Variants in PML observed in about 807,000 individuals in gnomAD.
PML encodes PML nuclear body scaffold.
PML carries 28 observed loss-of-function variants against 65.2 expected under a neutral mutation model. The ratio of observed to expected loss-of-function variants is 0.43; its 90% CI spans 0.32 to 0.59. The LOEUF is 0.59. PML is among the 20% of genes least tolerant of loss of function. The pLI is 0.08. For missense variants in PML, 1,021 were observed against 1,203.4 expected (o/e 0.85, Z 2.24); for synonymous variants, 500 against 508.8 (o/e 0.98, Z 0.23).
chr15:73,998,233 G>C lies in PML; in HGVS notation c.359G>C (p.Arg120Pro). The C allele has an allele frequency of 6.2e-7, 1 of 1,614,162 alleles. No individual in the cohort carries two copies. The highest frequency in any genetic ancestry group is 8.5e-7 in the Non-Finnish European group (1 of 1,180,014). Reference protein sequence around the residue: ...ESLQRRLSVYRQIVDAQAVCT... With the variant: ...ESLQRRLSVYPQIVDAQAVCT... ...CTGCAGCGGCGCCTGTCGGTGTACC[G>C]GCAGATTGTGGATGCGCAGGCTGTG... The change falls in exon 2 of 9, where the codon CGG (arginine) becomes CCG (proline). Residue 120 changes from arginine (R) to proline (P), a missense_variant. Transcript: ENST00000268058.
rs754391223 is a variant in PML at position 74,035,352 on chromosome 15, G to T, written c.1710+822G>T. The T allele has an allele frequency of 5.6e-6, 9 of 1,611,962 alleles. No individual in the cohort carries two copies. In the African/African-American group the frequency reaches 1.1e-4, roughly 19 times the overall value. On this transcript the variant is annotated intron_variant, in intron 7 of 8. Coordinates refer to ENST00000268058, the MANE Select transcript of PML (RefSeq NM_033238.3). This position sits in a 1 kb window ranked among gnomAD's most constrained non-coding sequence, Gnocchi z 4.1. Reference sequence around the variant, plus strand: ...GCCTCCCCACCAGCCCGCTGAGCAGGCTGCCACCCCCGATGCTGAGCCTCA... The same window carrying T: ...GCCTCCCCACCAGCCCGCTGAGCAGTCTGCCACCCCCGATGCTGAGCCTCA...
At chr15:74,013,554 G>A (rs2070426010) in intron 2 of PML, among the ~76,000 whole-genome samples, 2 of 152,062 alleles carry the variant, frequency 1.3e-5, no homozygotes, top group Non-Finnish European at 2.9e-5. Context: ...TCCTGCTGTG[G>A]CATATTTTGC....
At chr15:74,025,287 T>C in intron 4 of PML, 2 of 352,952 alleles carry the variant, frequency 5.7e-6, no homozygotes, top group South Asian at 4.8e-5. Flanking sequence ...GGTTGTCAGA[T>C]GTATGGTTAG....
intron 2 of PML, among the ~76,000 whole-genome samples, chr15:74,012,334 C>T (rs1437715056): frequency 6.6e-6 from 1 of 152,224 alleles, no homozygotes; most frequent in Non-Finnish European, 1.5e-5. Flanking sequence ...TGCCACCACT[C>T]CTGGCTAATT....
rs2069591727 is a variant in PML, at chr15:73,998,151, G to T, written c.277G>T (p.Ala93Ser). 6.2e-7 allele frequency: 1 copy of T among 1,614,082 alleles called. No homozygotes were observed. Among genetic ancestry groups the T allele is most frequent in the South Asian group, 1.1e-5 (1 of 91,088 alleles). ...GGGCATGCAGTGCCCCATCTGCCAG[G>T]CGCCCTGGCCCCTAGGTGCAGACAC... is the stretch of plus-strand genomic sequence containing the variant. ...ASGMQCPICQ[A>S]PWPLGADTPA... Residue 93 changes from alanine to serine, a missense_variant, in exon 2 of 9, where the codon GCG becomes TCG. By Grantham distance (99) the Ala-to-Ser change is moderately conservative (BLOSUM62 1). Transcript: ENST00000268058.
At chr15:74,005,189 A>G (rs955553160) in intron 2 of PML, among the ~76,000 whole-genome samples, 4 of 151,900 alleles carry the variant, frequency 2.6e-5, no homozygotes, top group Non-Finnish European at 5.9e-5. Flanking sequence ...AGTAGCTGGG[A>G]CTACAGGTGC....
chr15:74,036,417 G>C, intron 7 of PML: 1 of 1,306,440 alleles, frequency 7.7e-7, no homozygotes, highest in Non-Finnish European at 9.8e-7. Context: ...CTTATTCCAC[G>C]ACCATCGCGT....
In PML at chr15:74,035,889, C is replaced by T; in HGVS notation, c.1710+1359C>T. 1 of 1,613,760 alleles carries T rather than the reference C, an allele frequency of 6.2e-7. No homozygotes were observed. The highest frequency in any genetic ancestry group is 8.5e-7 in the Non-Finnish European group (1 of 1,179,998). ...AGCCTCTCCAATTACATTCCCACCA[C>T]CCTGTGCCCCAGAAAGGCCCCCCAT... On this transcript the variant is annotated intron_variant, in intron 7 of 8. Coordinates refer to ENST00000268058, the MANE Select transcript of PML (RefSeq NM_033238.3). The surrounding 1 kb of genome is among the most constrained non-coding windows in gnomAD (Gnocchi z 4.1).
At chr15:74,025,296 A>C (rs2071023963) in intron 4 of PML, 1 of 340,798 alleles carries the variant, frequency 2.9e-6, no homozygotes, top group Non-Finnish European at 5.8e-6. Context: ...ATGTATGGTT[A>C]GATATAGGGT....
chr15:74,015,025 C>T (rs2070505879), intron 2 of PML, among the ~76,000 whole-genome samples: 1 of 152,210 alleles, frequency 6.6e-6, no homozygotes, highest in South Asian at 2.1e-4. Context: ...TTCTCCTCCC[C>T]ATTCCTGGGT....
chr15:74,010,623 T>C (rs1036230380), intron 2 of PML, among the ~76,000 whole-genome samples: 2 of 152,154 alleles, frequency 1.3e-5, no homozygotes, highest in Non-Finnish European at 2.9e-5. Flanking sequence ...AGACAGCCAT[T>C]GAGCAATCAC....
At position 74,046,199 on chromosome 15, in the gene PML, G is replaced by T. The variant is rs1471715221; in HGVS notation, c.*1191G>T. The T allele has an allele frequency of 3.9e-5, 9 of 233,132 alleles. No homozygotes were observed. The highest frequency in any genetic ancestry group is 6.8e-5 in the Non-Finnish European group (8 of 118,018). 14.4% of individuals were successfully genotyped at this position (233,132 alleles called of 1,614,324 possible). On this transcript the variant is annotated 3_prime_UTR_variant, in exon 9 of 9. Transcript: ENST00000268058. ...AGGCCTCTGAGGCAGTGGACAGGAA[G>T]ACTTCTCATCCTTGAATTCTAGCTC...
chr15:74,035,852 A>G lies in PML; in HGVS notation c.1710+1322A>G, dbSNP rs2071535926. 5.0e-6 allele frequency: 8 copies of G among 1,613,694 alleles called. No homozygotes were observed. The highest frequency in any genetic ancestry group is 4.4e-5 in the South Asian group (4 of 91,082). On this transcript the variant is annotated intron_variant, in intron 7 of 8. Coordinates refer to ENST00000268058, the MANE Select transcript of PML (RefSeq NM_033238.3). This position sits in a 1 kb window ranked among gnomAD's most constrained non-coding sequence, Gnocchi z 4.1. ...GCTCCATGGAGGCCTCTCAAGTCCAAGTGCCTCTGGAAGCCTCTCCAATTA... is the reference window on the plus strand; with the variant it reads ...GCTCCATGGAGGCCTCTCAAGTCCAGGTGCCTCTGGAAGCCTCTCCAATTA...
At chr15:74,013,415 TAAAAG>T (rs2070419910) in intron 2 of PML, among the ~76,000 whole-genome samples, 3 of 152,248 alleles carry the variant, frequency 2.0e-5, no homozygotes, top group African/African-American at 7.2e-5. Flanking sequence ...CATATTTTTA[TAAAAG>T]TGCTTGAGAA....
At position 74,035,641 on chromosome 15, in the gene PML, G is replaced by C. The variant is rs200633780; in HGVS notation, c.1710+1111G>C. The C allele has an allele frequency of 6.2e-7, 1 of 1,613,888 alleles. No homozygotes were observed. Among genetic ancestry groups the C allele is most frequent in the Admixed American group, 1.7e-5 (1 of 60,014 alleles). On this transcript the variant is annotated intron_variant, in intron 7 of 8. Coordinates refer to ENST00000268058, the MANE Select transcript of PML (RefSeq NM_033238.3). The surrounding 1 kb of genome is among the most constrained non-coding windows in gnomAD (Gnocchi z 4.1). ...ATCAGCCCACCCCACCGGATACGAG[G>C]GGCTGTGCGATCCCGCAGCCGCTCC... is the stretch of plus-strand genomic sequence containing the variant.
In PML at chr15:74,043,315, G is replaced by T; in HGVS notation, c.1861+176G>T. 3 of 1,477,820 alleles carry T rather than the reference G, an allele frequency of 2.0e-6. No homozygotes were observed. The highest frequency in any genetic ancestry group is 2.7e-6 in the Non-Finnish European group (3 of 1,121,606). The allele number at this position is 1,477,820 out of a possible 1,614,324, so 91.5% of individuals were successfully genotyped here. A position where few individuals can be genotyped will look rare whatever the true frequency, so the allele number is the denominator to read the frequency against. ...TGGGCTCCTGGCGTGTCATTTGCTG[G>T]CTTGAATAAAGATGTCCGCCTTATC... On this transcript the variant is annotated intron_variant, in intron 8 of 8. Transcript: ENST00000268058. The surrounding 1 kb of genome is among the most constrained non-coding windows in gnomAD (Gnocchi z 4.3).
rs1322860344 is a variant in PML at position 74,043,037 on chromosome 15, C to T, written c.1759C>T (p.Leu587=). The T allele has an allele frequency of 6.2e-7, 1 of 1,613,630 alleles. No homozygotes were observed. The highest frequency in any genetic ancestry group is 2.2e-5 in the East Asian group (1 of 44,794). ...CAGCAGTGAGTCCAGTGACCTCCAG[C>T]TGGAAGGCCCCAGCACCCTCAGGGT... ...DSSSESSDLQ[L]EGPSTLRVLD... The change falls in exon 8 of 9, where the codon CTG becomes TTG. Residue 587 remains leucine (L), a synonymous_variant. Transcript: ENST00000268058. The surrounding 1 kb of genome is among the most constrained non-coding windows in gnomAD (Gnocchi z 4.3).
chr15:74,035,602 A>C lies in PML; in HGVS notation c.1710+1072A>C. ...GCCAATGCCCAGGAACATCCTGCCC[A>C]GCTGCAAAGGGGCATCAGCCCACCC... is the stretch of plus-strand genomic sequence containing the variant. On this transcript the variant is annotated intron_variant, in intron 7 of 8. Transcript: ENST00000268058. The surrounding 1 kb of genome is among the most constrained non-coding windows in gnomAD (Gnocchi z 4.1). 1 of 1,613,008 alleles carries C rather than the reference A, an allele frequency of 6.2e-7. No individual in the cohort carries two copies. Among genetic ancestry groups the C allele is most frequent in the Non-Finnish European group, 8.5e-7 (1 of 1,180,002 alleles).
At position 74,035,478 on chromosome 15, in the gene PML, C is replaced by A; in HGVS notation, c.1710+948C>A. 7 of 1,612,510 alleles carry A rather than the reference C, an allele frequency of 4.3e-6. No homozygotes were observed. The highest frequency in any genetic ancestry group is 5.1e-6 in the Non-Finnish European group (6 of 1,179,986). Reference sequence around the variant, plus strand: ...AGCCATCCGCCTTCGCCATGCCCTCCGCTTGCACCCTCAATTGCATCGGGC... The same window carrying A: ...AGCCATCCGCCTTCGCCATGCCCTCAGCTTGCACCCTCAATTGCATCGGGC... On this transcript the variant is annotated intron_variant, in intron 7 of 8. Coordinates refer to ENST00000268058, the MANE Select transcript of PML (RefSeq NM_033238.3). This position sits in a 1 kb window ranked among gnomAD's most constrained non-coding sequence, Gnocchi z 4.1.
Sources: allele counts gnomAD v4.1 joint callset (sites outside exome capture counted in the v4.1 genomes callset), GRCh38; gene constraint gnomAD v4.1.1; non-coding constraint Gnocchi (gnomAD v3.1); transcripts MANE v1.5; gene names NCBI Gene and HGNC (gene_info 2026-07-23, HGNC 2026-07-21).